The following AANAT variants were observed in gnomAD, a reference collection of about 807,000 sequenced individuals.
The protein encoded by AANAT is serotonin N-acetyltransferase.
AANAT carries 11 observed loss-of-function variants against 15.6 expected under a neutral mutation model. The observed-to-expected ratio is 0.71, with a 90% CI of 0.44 to 1.17. The LOEUF is 1.17. AANAT is among the 50% of genes most tolerant of loss of function. The probability of loss-of-function intolerance (pLI) is 0.00; values close to 1 mark genes in which losing one functional copy is unlikely to be tolerated. For synonymous variants in AANAT, 139 were observed against 131.5 expected (o/e 1.06, Z -0.39); for missense variants, 286 against 296.3 (o/e 0.97, Z 0.26).
chr17:76,457,959 C>A (rs1300310791), intron 1 of AANAT, among the ~76,000 whole-genome samples: 2 of 152,220 alleles, frequency 1.3e-5, no homozygotes, highest in African/African-American at 4.8e-5. Context: ...TCACTTGAAC[C>A]CGGGAGGCGG....
At chr17:76,461,335 C>T (rs751503021) in intron 2 of AANAT, among the ~76,000 whole-genome samples, 3 of 151,964 alleles carry the variant, frequency 2.0e-5, no homozygotes, top group Non-Finnish European at 4.4e-5. Flanking sequence ...TGCACCTCCC[C>T]ATCACATCCC....
rs1448265119 is a variant in AANAT, at chr17:76,469,498, T to A, written c.319-167T>A. Among the ~76,000 whole-genome samples, 2 of 152,172 alleles carry A rather than the reference T, an allele frequency of 1.3e-5. No homozygotes were observed. The highest frequency in any genetic ancestry group is 2.9e-5 in the Non-Finnish European group (2 of 68,020). On this transcript the variant is annotated intron_variant, in intron 3 of 3. Coordinates refer to ENST00000392492, the MANE Select transcript of AANAT (RefSeq NM_001088.3). The surrounding 1 kb of genome is among the most constrained non-coding windows in gnomAD (Gnocchi z 5.2). ...AGACCTTCTGGGTCTTCAAGTTTTCTCCATGGGGTTGGGGGTATGGCTCCC... is the reference window on the plus strand; with the variant it reads ...AGACCTTCTGGGTCTTCAAGTTTTCACCATGGGGTTGGGGGTATGGCTCCC...
Position 76,468,573 on chromosome 17 carries a change from C to T in AANAT, c.-75-99C>T, listed in dbSNP as rs185983586. 2.1e-4 allele frequency: 228 copies of T among 1,089,892 alleles called. 3 individuals carry two copies. In the East Asian group the frequency reaches 4.6e-3, roughly 22 times the overall value. The allele number at this position is 1,089,892 out of a possible 1,614,324, so 67.5% of individuals were successfully genotyped here. ...TGCCCATTGATTTAGGGGCTGTCTC[C>T]ACCCCAGTTCCTGCTACAAAAGAGG... is the stretch of plus-strand genomic sequence containing the variant. On this transcript the variant is annotated intron_variant, in intron 1 of 3. Coordinates refer to ENST00000392492, the MANE Select transcript of AANAT (RefSeq NM_001088.3).
Position 76,468,879 on chromosome 17 carries a change from G to A in AANAT, c.133G>A (p.Ala45Thr), listed in dbSNP as rs148593961. 99 of 1,613,382 alleles carry A rather than the reference G, an allele frequency of 6.1e-5. No individual in the cohort carries two copies. The highest frequency in any genetic ancestry group is 7.4e-5 in the Non-Finnish European group (87 of 1,180,004). ...SEFRCLTPED[A>T]VSAFEIEREA... is the part of the protein sequence containing the mutation. ...GTTTCGCTGCCTCACCCCGGAGGAC[G>A]CTGTCAGCGCCTTTGAGATCGAGCG... The change falls in exon 2 of 4, where the codon GCT becomes ACT. Residue 45 changes from alanine to threonine, a missense_variant. Ala to Thr is a moderately conservative substitution (Grantham distance 58). Transcript: ENST00000392492.
intron 1 of AANAT, among the ~76,000 whole-genome samples, chr17:76,468,262 C>T (rs1567866485): frequency 6.6e-6 from 1 of 152,204 alleles, no homozygotes; most frequent in East Asian, 1.9e-4. Flanking sequence ...CGCCCACCCA[C>T]TGCACAGTTG....
upstream of AANAT, chr17:76,466,111 A>T (rs1424258715): frequency 7.0e-7 from 1 of 1,421,246 alleles, no homozygotes; most frequent in African/African-American, 1.4e-5. Context: ...AGGCCGATTG[A>T]ACAGCAGGCT....
At position 76,469,392 on chromosome 17, in the gene AANAT, C is replaced by G; in HGVS notation, c.318+65C>G. 1 of 1,593,850 alleles carries G rather than the reference C, an allele frequency of 6.3e-7. No homozygotes were observed. On this transcript the variant is annotated intron_variant, in intron 3 of 3. Transcript: ENST00000392492. This position sits in a 1 kb window ranked among gnomAD's most constrained non-coding sequence, Gnocchi z 5.2. ...CTGAAGACAGAGGTCAGCCAGATGG[C>G]GGGGAGGGGAGCCCAGGGGCTGGGA...
At chr17:76,460,538 C>T (rs898585507) in intron 2 of AANAT, among the ~76,000 whole-genome samples, 1 of 152,016 alleles carries the variant, frequency 6.6e-6, no homozygotes, top group African/African-American at 2.4e-5. Flanking sequence ...TGGGCTCAAG[C>T]GATCCTCCTG....
chr17:76,453,900 G>C (rs1314840894), intron 1 of AANAT: 1 of 152,200 alleles, frequency 6.6e-6, no homozygotes, highest in Non-Finnish European at 1.5e-5. Context: ...GCTAAGAGTG[G>C]GGACCACGGA....
chr17:76,457,412 T>C (rs568737808), intron 1 of AANAT, among the ~76,000 whole-genome samples: 7 of 152,230 alleles, frequency 4.6e-5, no homozygotes, highest in Non-Finnish European at 7.3e-5. Context: ...CTATGTTTGT[T>C]GTTTTAATGT....
intron 2 of AANAT, among the ~76,000 whole-genome samples, chr17:76,460,130 A>ATTTT (rs556197358): frequency 0.031 from 2,709 of 87,718 alleles, 471 homozygotes; most frequent in East Asian, 0.059. Context: ...ACTTCAGGAA[A>ATTTT]TTTTTTTTTT....
chr17:76,468,587 C>A, intron 1 of AANAT, 85 bp from the exon 2 acceptor site: 1 of 1,250,578 alleles, frequency 8.0e-7, no homozygotes, highest in Non-Finnish European at 1.1e-6. Context: ...CCAGTTCCTG[C>A]TACAAAAGAG....
intron 2 of AANAT, among the ~76,000 whole-genome samples, chr17:76,460,663 T>C (rs951188076): frequency 6.6e-6 from 1 of 152,058 alleles, no homozygotes; most frequent in Admixed American, 6.6e-5. Flanking sequence ...GCTCACACAA[T>C]CTTACTATTG....
chr17:76,460,668 C>G (rs1363443387), intron 2 of AANAT, among the ~76,000 whole-genome samples: 3 of 152,146 alleles, frequency 2.0e-5, no homozygotes, highest in Admixed American at 6.6e-5. Context: ...CACAATCTTA[C>G]TATTGGGCAG....
chr17:76,454,322 G>GA (rs67911712), intron 1 of AANAT, among the ~76,000 whole-genome samples: 38,228 of 139,156 alleles, frequency 0.27, 5,354 homozygotes, highest in East Asian at 0.5. Context: ...TAAAAATACG[G>GA]AAAAAAAAAA....
At chr17:76,460,477 A>G (rs2073378337) in intron 2 of AANAT, among the ~76,000 whole-genome samples, 1 of 152,052 alleles carries the variant, frequency 6.6e-6, no homozygotes, top group Non-Finnish European at 1.5e-5. Context: ...TATTAAAAAA[A>G]ATAATAGAGA....
intron 1 of AANAT, among the ~76,000 whole-genome samples, chr17:76,457,952 C>T (rs1371508300): frequency 6.6e-6 from 1 of 152,226 alleles, no homozygotes; most frequent in African/African-American, 2.4e-5. Context: ...TGGAGAATCA[C>T]TTGAACCCGG....
Position 76,467,715 on chromosome 17 carries a change from C to A in AANAT, c.-88C>A, listed in dbSNP as rs940824994. The A allele has an allele frequency of 2.0e-6, 2 of 985,360 alleles. No individual in the cohort carries two copies. Among genetic ancestry groups the A allele is most frequent in the Non-Finnish European group, 2.4e-6 (2 of 829,966 alleles). 61.0% of individuals were successfully genotyped at this position (985,360 alleles called of 1,614,324 possible). Reference sequence around the variant, plus strand: ...TTGTGGAGGGAACACTGGGTATCCTCTCCACAGTCCAGGTAGGTGGGACCC... The same window carrying A: ...TTGTGGAGGGAACACTGGGTATCCTATCCACAGTCCAGGTAGGTGGGACCC... On this transcript the variant is annotated 5_prime_UTR_variant, in exon 1 of 4. Transcript: ENST00000392492.
chr17:76,469,075 G>T lies in AANAT; in HGVS notation c.164-98G>T, dbSNP rs751260992. On this transcript the variant is annotated intron_variant, in intron 2 of 3. Transcript: ENST00000392492. The surrounding 1 kb of genome is among the most constrained non-coding windows in gnomAD (Gnocchi z 5.2). ...CAGCAGCCCTAACCCCCATTTTCCT[G>T]TGGGGAACGGGGCATCTGAGTGGAC... The T allele has an allele frequency of 6.5e-7, 1 of 1,549,120 alleles. No homozygotes were observed. The highest frequency in any genetic ancestry group is 1.7e-5 in the Admixed American group (1 of 57,626).
Sources: allele counts gnomAD v4.1 joint callset (sites outside exome capture counted in the v4.1 genomes callset), GRCh38; gene constraint gnomAD v4.1.1; non-coding constraint Gnocchi (gnomAD v3.1); transcripts MANE v1.5; gene names NCBI Gene and HGNC (gene_info 2026-07-23, HGNC 2026-07-21).